Variants in FRMD4B observed in about 807,000 individuals in gnomAD.
FRMD4B encodes FERM domain-containing protein 4B.
In FRMD4B, 74 loss-of-function variants were observed where a neutral mutation model predicts 141.5. The ratio of observed to expected loss-of-function variants is 0.52; its 90% CI spans 0.43 to 0.63. The LOEUF (loss-of-function observed/expected upper bound fraction) is 0.63, where lower values mean the gene tolerates loss of function less well. Among genes scored for constraint, FRMD4B ranks in the 30% least tolerant of loss-of-function variants. The pLI, the probability that FRMD4B is intolerant of heterozygous loss-of-function variation, is 0.00. For missense variants in FRMD4B, 1,366 were observed against 1,253.4 expected (o/e 1.09, Z -1.36); for synonymous variants, 506 against 467.9 (o/e 1.08, Z -1.05).
chr3:69,336,108 G>GA (rs1413002622), intron 1 of FRMD4B, among the ~76,000 whole-genome samples: 2 of 148,542 alleles, frequency 1.3e-5, no homozygotes, highest in Non-Finnish European at 2.9e-5. Flanking sequence ...CTTCCCTTGG[G>GA]GGGTGAAGTC....
chr3:69,284,773 A>C (rs1040329150), intron 5 of FRMD4B, among the ~76,000 whole-genome samples: 3 of 152,356 alleles, frequency 2.0e-5, no homozygotes, highest in South Asian at 2.1e-4. Flanking sequence ...AGACAAAGGC[A>C]TTAAAACAAT....
chr3:69,389,644 A>C (rs902320716), upstream of FRMD4B, among the ~76,000 whole-genome samples: 1 of 152,198 alleles, frequency 6.6e-6, no homozygotes, highest in African/African-American at 2.4e-5. Context: ...CTTTTGTAGA[A>C]GAAGTTCGAA....
chr3:69,377,578 G>A (rs67863320), intron 1 of FRMD4B, among the ~76,000 whole-genome samples: 8,700 of 152,184 alleles, frequency 0.057, 249 homozygotes, highest in Middle Eastern at 0.075. Context: ...TCTCAAACCC[G>A]TCTGGAAATC....
At chr3:69,535,364 C>T (rs994040645) in intron 1 of FRMD4B, among the ~76,000 whole-genome samples, 1 of 152,214 alleles carries the variant, frequency 6.6e-6, no homozygotes, top group Non-Finnish European at 1.5e-5. Context: ...GAGTCCCCAC[C>T]TCATAGGGTG....
At chr3:69,446,289 G>A (rs1426004165) in intron 1 of FRMD4B, among the ~76,000 whole-genome samples, 2 of 151,896 alleles carry the variant, frequency 1.3e-5, no homozygotes, top group Non-Finnish European at 2.9e-5. Flanking sequence ...GCCTCATAAA[G>A]TGCTGGGTTT....
At chr3:69,410,722 A>AT (rs1704741431) in intron 2 of FRMD4B, among the ~76,000 whole-genome samples, 5 of 58,540 alleles carry the variant, frequency 8.5e-5, no homozygotes, top group East Asian at 5.7e-4. Flanking sequence ...TAAATAAATA[A>AT]ATAAATATAT....
At chr3:69,485,170 C>A (rs1321626028) in intron 1 of FRMD4B, among the ~76,000 whole-genome samples, 2 of 152,230 alleles carry the variant, frequency 1.3e-5, no homozygotes, top group East Asian at 1.9e-4. Flanking sequence ...CATGTCAGCA[C>A]TGCTCTGTGG....
intron 17 of FRMD4B, among the ~76,000 whole-genome samples, chr3:69,190,679 T>C (rs776031224): frequency 1.3e-5 from 2 of 152,298 alleles, no homozygotes; most frequent in East Asian, 1.9e-4. Flanking sequence ...CCTCCCAAAG[T>C]ACTGGGATTA....
intron 1 of FRMD4B, among the ~76,000 whole-genome samples, chr3:69,329,516 ATTTTTTTT>A (rs10554375): frequency 2.3e-4 from 13 of 55,574 alleles, no homozygotes; most frequent in African/African-American, 2.9e-4. Flanking sequence ...TGCCCAGCTA[ATTTTTTTT>A]TTTTTTTTTT....
chr3:69,499,705 G>T (rs1042182380), intron 1 of FRMD4B, among the ~76,000 whole-genome samples: 1 of 152,176 alleles, frequency 6.6e-6, no homozygotes, highest in African/African-American at 2.4e-5. Context: ...GAGAGAGAGA[G>T]AGAGAGAGAT....
intron 2 of FRMD4B, among the ~76,000 whole-genome samples, chr3:69,411,873 C>T (rs985083511): frequency 6.6e-6 from 1 of 152,158 alleles, no homozygotes. Flanking sequence ...AAACTCCTGA[C>T]TGAGTGATTT....
rs562860959 is a variant in FRMD4B, at chr3:69,413,485, C to T, written c.-1+19149G>A. ...CAATTAGGCACACTAAATGTTCTTA[C>T]TAATTCTTCTCAAATACTTTCCCAC... is the stretch of plus-strand genomic sequence containing the variant. On this transcript the variant is annotated intron_variant, in intron 2 of 5. Transcript: ENST00000459638. 2.6e-5 allele frequency among the ~76,000 whole-genome samples: 4 copies of T among 152,288 alleles called. No individual in the cohort carries two copies. In the South Asian group the frequency reaches 8.3e-4, roughly 32 times the overall value.
At chr3:69,248,881 T>A (rs2093443064) in intron 7 of FRMD4B, among the ~76,000 whole-genome samples, 1 of 152,202 alleles carries the variant, frequency 6.6e-6, no homozygotes, top group Admixed American at 6.5e-5. Flanking sequence ...ACATTATAAC[T>A]CTTCGAACAC....
chr3:69,195,030 T>G lies in FRMD4B; in HGVS notation c.1480A>C (p.Ser494Arg). The G allele has an allele frequency of 6.2e-7, 1 of 1,613,632 alleles. No homozygotes were observed. Among genetic ancestry groups the G allele is most frequent in the Non-Finnish European group, 8.5e-7 (1 of 1,179,636 alleles). ...AGAGGCGTTGTTCATACTTCTTCAC[T>G]CGGCAGCAAGTTGTCATCTAATTTG... is the stretch of plus-strand genomic sequence containing the variant. ...AFKLDDNLLP[S>R]EEDPALQELE... Residue 494 changes from serine to arginine, a missense_variant, in exon 16 of 23, where the codon AGT becomes CGT. By Grantham distance (110) the Ser-to-Arg change is moderately radical (BLOSUM62 -1). Transcript: ENST00000398540.
intron 5 of FRMD4B, among the ~76,000 whole-genome samples, chr3:69,266,562 G>A (rs1382679095): frequency 6.6e-6 from 1 of 152,098 alleles, no homozygotes; most frequent in Non-Finnish European, 1.5e-5. Flanking sequence ...CTGACCTCAG[G>A]TGACCCACCC....
At chr3:69,426,747 G>T (rs1015839115) in intron 2 of FRMD4B, among the ~76,000 whole-genome samples, 1 of 152,118 alleles carries the variant, frequency 6.6e-6, no homozygotes, top group Admixed American at 6.5e-5. Flanking sequence ...AATTTTAACC[G>T]TGAAAACACA....
chr3:69,468,025 C>T (rs573360737), intron 1 of FRMD4B, among the ~76,000 whole-genome samples: 1 of 152,334 alleles, frequency 6.6e-6, no homozygotes, highest in African/African-American at 2.4e-5. Flanking sequence ...CCATTCTGAA[C>T]TGATTAACAG....
intron 5 of FRMD4B, among the ~76,000 whole-genome samples, chr3:69,272,383 C>T (rs2106938360): frequency 6.6e-6 from 1 of 152,350 alleles, no homozygotes; most frequent in South Asian, 2.1e-4. Flanking sequence ...TGGTCTTGAA[C>T]TCCTGGCCTC....
At chr3:69,526,810 T>C (rs1437226767) in intron 1 of FRMD4B, among the ~76,000 whole-genome samples, 1 of 152,162 alleles carries the variant, frequency 6.6e-6, no homozygotes, top group Non-Finnish European at 1.5e-5. Context: ...CAGGAAGGTT[T>C]CCTGACTTGC....
Sources: allele counts gnomAD v4.1 joint callset (sites outside exome capture counted in the v4.1 genomes callset), GRCh38; gene constraint gnomAD v4.1.1; transcripts MANE v1.5; gene names NCBI Gene and HGNC (gene_info 2026-07-23, HGNC 2026-07-21).